RGS6: variants seen among roughly 807,000 people sequenced by gnomAD.
The protein encoded by RGS6 is regulator of G-protein signaling 6.
RGS6 carries 30 observed loss-of-function variants against 78.5 expected under a neutral mutation model. The observed-to-expected ratio is 0.38, with a 90% CI of 0.29 to 0.52. The LOEUF (loss-of-function observed/expected upper bound fraction) is 0.52, where lower values mean the gene tolerates loss of function less well. Ranked by LOEUF, RGS6 falls within the 20% of genes least tolerant of loss-of-function variation. RGS6 has a pLI of 0.85. For synonymous variants in RGS6, 206 were observed against 206.0 expected (o/e 1.00, Z 0.00); for missense variants, 495 against 609.7 (o/e 0.81, Z 1.98).
At chr14:72,351,679 T>C (rs1391870032) in intron 2 of RGS6, among the ~76,000 whole-genome samples, 1 of 152,236 alleles carries the variant, frequency 6.6e-6, no homozygotes, top group African/African-American at 2.4e-5. Context: ...CATATTATAT[T>C]GAACCATAAG....
At chr14:72,559,507 G>A (rs549916207) in intron 17 of RGS6, among the ~76,000 whole-genome samples, 4 of 152,352 alleles carry the variant, frequency 2.6e-5, no homozygotes, top group African/African-American at 7.2e-5. Context: ...CAGCTGGGCT[G>A]AGCTGCCTCT....
intron 2 of RGS6, among the ~76,000 whole-genome samples, chr14:72,205,753 GA>G: frequency 6.6e-6 from 1 of 152,230 alleles, no homozygotes; most frequent in Admixed American, 6.5e-5. Context: ...CTAAGGCTCA[GA>G]AAAAAACAAA....
At chr14:71,992,104 C>T (rs1356466849) in intron 2 of RGS6, among the ~76,000 whole-genome samples, 4 of 150,668 alleles carry the variant, frequency 2.7e-5, no homozygotes, top group Admixed American at 2.0e-4. Context: ...GATCTAGGCT[C>T]ACTGCAACCT....
the RGS6 span, among the ~76,000 whole-genome samples, chr14:72,615,260 C>T: frequency 1.3e-5 from 2 of 152,200 alleles, no homozygotes; most frequent in Non-Finnish European, 2.9e-5. Flanking sequence ...CCTCCTCACA[C>T]ACAGACCCAA....
At position 72,321,330 on chromosome 14, in the gene RGS6, A is replaced by T. The variant is rs188199436; in HGVS notation, c.85-30765A>T. Among the ~76,000 whole-genome samples, 326 of 152,138 alleles carry T rather than the reference A, an allele frequency of 2.1e-3. 1 individual carries two copies. The highest frequency in any genetic ancestry group is 0.021 in the Middle Eastern group (6 of 292). ...AAAAAAGCAATAGAAACAGAAATCA[A>T]AATACTATAAAGTAAGACCAAACCT... On this transcript the variant is annotated intron_variant, in intron 2 of 17. Coordinates refer to ENST00000553525, the MANE Select transcript of RGS6 (RefSeq NM_001204424.2).
intron 2 of RGS6, among the ~76,000 whole-genome samples, chr14:72,042,222 G>C (rs2092476874): frequency 6.6e-6 from 1 of 150,610 alleles, no homozygotes; most frequent in African/African-American, 2.4e-5. Flanking sequence ...CTGCCTCCCA[G>C]GTTCAAGCAA....
chr14:71,942,178 G>A (rs935893480), intron 1 of RGS6, among the ~76,000 whole-genome samples: 3 of 152,056 alleles, frequency 2.0e-5, no homozygotes, highest in Admixed American at 1.3e-4. Flanking sequence ...TGCAAAGAAA[G>A]CAAAAATGCT....
At chr14:72,538,925 C>T (rs531841484) in intron 16 of RGS6, among the ~76,000 whole-genome samples, 146 of 152,342 alleles carry the variant, frequency 9.6e-4, no homozygotes, top group African/African-American at 3.4e-3. Context: ...CAGCACAGTC[C>T]GCAGACCCAC....
chr14:72,326,820 G>T (rs2073887038), intron 2 of RGS6, among the ~76,000 whole-genome samples: 1 of 152,146 alleles, frequency 6.6e-6, no homozygotes, highest in South Asian at 2.1e-4. Context: ...CCATTGTCCT[G>T]CCTCAGCCTG....
intron 2 of RGS6, among the ~76,000 whole-genome samples, chr14:72,102,070 G>A (rs117025223): frequency 0.012 from 1,775 of 152,272 alleles, 15 homozygotes; most frequent in Non-Finnish European, 0.017. Flanking sequence ...TTGGGATTTG[G>A]AAAAGGCAGT....
At chr14:72,523,205 T>C (rs968699526) in intron 15 of RGS6, among the ~76,000 whole-genome samples, 1 of 152,110 alleles carries the variant, frequency 6.6e-6, no homozygotes, top group Non-Finnish European at 1.5e-5. Flanking sequence ...GACCACACTG[T>C]CCCTGGATTG....
the RGS6 span, among the ~76,000 whole-genome samples, chr14:71,885,121 T>C: frequency 3.3e-5 from 5 of 152,266 alleles, no homozygotes; most frequent in Admixed American, 1.3e-4. Context: ...TCCTTTACCC[T>C]CTTGAACCCT....
In RGS6 at chr14:72,203,666, C is replaced by T. The variant is rs1031800692; in HGVS notation, c.85-148429C>T. Among the ~76,000 whole-genome samples, 5 of 152,192 alleles carry T rather than the reference C, an allele frequency of 3.3e-5. No individual in the cohort carries two copies. The South Asian group carries it at 8.3e-4, about 25-fold the overall frequency. ...GGGCTGCTCACAACATGGTGGCTGG[C>T]TTCCCCCAGAGAGGGGAATCTGAGA... is the stretch of plus-strand genomic sequence containing the variant. On this transcript the variant is annotated intron_variant, in intron 2 of 17. Coordinates refer to ENST00000553525, the MANE Select transcript of RGS6 (RefSeq NM_001204424.2).
chr14:71,887,121 G>T, the RGS6 span, among the ~76,000 whole-genome samples: 1 of 152,278 alleles, frequency 6.6e-6, no homozygotes, highest in South Asian at 2.1e-4. Context: ...AACGTAAATT[G>T]TGAAGATTTC....
intron 2 of RGS6, among the ~76,000 whole-genome samples, chr14:72,247,631 G>A (rs1398665199): frequency 1.3e-5 from 2 of 152,184 alleles, no homozygotes; most frequent in African/African-American, 4.8e-5. Context: ...TGTTGAAAAT[G>A]TAATTCCAAT....
chr14:72,487,467 C>T (rs1453825480), intron 12 of RGS6, among the ~76,000 whole-genome samples: 1 of 152,188 alleles, frequency 6.6e-6, no homozygotes, highest in Non-Finnish European at 1.5e-5. Flanking sequence ...TGCAGGTGGA[C>T]TTAAGGTTGC....
intron 2 of RGS6, among the ~76,000 whole-genome samples, chr14:72,346,191 A>T (rs2078007461): frequency 6.6e-6 from 1 of 152,246 alleles, no homozygotes; most frequent in African/African-American, 2.4e-5. Flanking sequence ...AGATTTTTTT[A>T]AAAAACAATC....
At chr14:72,389,974 A>C (rs1332194878) in intron 3 of RGS6, among the ~76,000 whole-genome samples, 1 of 152,200 alleles carries the variant, frequency 6.6e-6, no homozygotes, top group Non-Finnish European at 1.5e-5. Flanking sequence ...TAAAGACTCA[A>C]AACAGATGGT....
intron 13 of RGS6, among the ~76,000 whole-genome samples, chr14:72,501,440 C>A (rs1240874525): frequency 1.3e-5 from 2 of 152,164 alleles, no homozygotes; most frequent in Non-Finnish European, 2.9e-5. Flanking sequence ...AACTACACCT[C>A]AAGTTTATGC....
Sources: gnomAD v4.1 joint callset for allele counts (sites outside exome capture counted in the v4.1 genomes callset) on GRCh38, gnomAD v4.1.1 for gene constraint, MANE v1.5 for transcripts, NCBI Gene and HGNC (gene_info 2026-07-23, HGNC 2026-07-21) for gene names.